CHCHD6: variants seen among roughly 807,000 people sequenced by gnomAD.
The protein encoded by CHCHD6 is coiled-coil-helix-coiled-coil-helix domain containing 6.
In CHCHD6, 28 loss-of-function variants were observed where a neutral mutation model predicts 32.3. That is an observed-to-expected ratio of 0.87 (90% CI 0.64 to 1.19). The LOEUF (loss-of-function observed/expected upper bound fraction) is 1.19, where lower values mean the gene tolerates loss of function less well. Among genes scored for constraint, CHCHD6 ranks in the 50% most tolerant of loss-of-function variants. The probability of loss-of-function intolerance (pLI) is 0.00; values close to 1 mark genes in which losing one functional copy is unlikely to be tolerated. For missense variants in CHCHD6, 333 were observed against 307.0 expected, an observed-to-expected ratio of 1.08 and a Z score of -0.63; for synonymous variants, 122 against 117.5, an observed-to-expected ratio of 1.04 and a Z score of -0.25.
intron 1 of CHCHD6, among the ~76,000 whole-genome samples, chr3:126,707,589 G>A (rs1934552573): frequency 6.6e-6 from 1 of 152,142 alleles, no homozygotes; most frequent in Non-Finnish European, 1.5e-5. Flanking sequence ...GGTTGCTTGT[G>A]AGCATCCAGA....
chr3:126,905,508 C>T (rs996389025), intron 5 of CHCHD6, among the ~76,000 whole-genome samples: 1 of 150,610 alleles, frequency 6.6e-6, no homozygotes, highest in Admixed American at 6.6e-5. Context: ...AGATTGTTTA[C>T]TAGAGAGGGC....
intron 4 of CHCHD6, among the ~76,000 whole-genome samples, chr3:126,786,194 A>G (rs547462601): frequency 6.6e-6 from 1 of 152,270 alleles, no homozygotes; most frequent in Non-Finnish European, 1.5e-5. Flanking sequence ...TCCATGGTGT[A>G]TATGTGCCAC....
At chr3:126,948,399 G>A (rs186299711) in intron 6 of CHCHD6, among the ~76,000 whole-genome samples, 20 of 152,242 alleles carry the variant, frequency 1.3e-4, no homozygotes, top group Admixed American at 9.2e-4. Context: ...CACACACATC[G>A]CTCTACTGTC....
chr3:126,888,145 C>T (rs115852329), intron 5 of CHCHD6, among the ~76,000 whole-genome samples: 7 of 152,220 alleles, frequency 4.6e-5, no homozygotes, highest in African/African-American at 1.4e-4. Flanking sequence ...CAAGGGAAGG[C>T]GACCTTGAGG....
intron 4 of CHCHD6, among the ~76,000 whole-genome samples, chr3:126,748,595 CAAAAAAA>C (rs11378109): frequency 1.2e-5 from 1 of 85,358 alleles, no homozygotes; most frequent in Non-Finnish European, 2.4e-5. Flanking sequence ...ACTACATCTC[CAAAAAAA>C]AAAAAAAAAA....
intron 1 of CHCHD6, among the ~76,000 whole-genome samples, chr3:126,713,337 G>C (rs2107650655): frequency 6.6e-6 from 1 of 152,296 alleles, no homozygotes; most frequent in South Asian, 2.1e-4. Flanking sequence ...CCCGGGGACT[G>C]TTCAGAGTTG....
intron 4 of CHCHD6, among the ~76,000 whole-genome samples, chr3:126,849,553 A>G (rs7611157): frequency 1 from 151,913 of 152,374 alleles, 75,736 homozygotes; most frequent in Middle Eastern, 1. Flanking sequence ...GTCATCTGCT[A>G]AGTACATGTT....
chr3:126,883,791 C>G (rs954545781), intron 5 of CHCHD6, among the ~76,000 whole-genome samples: 11 of 152,216 alleles, frequency 7.2e-5, no homozygotes, highest in African/African-American at 2.7e-4. Context: ...GTATCTGTCT[C>G]TGCATACTCT....
chr3:126,816,104 C>T (rs560798057), intron 4 of CHCHD6, among the ~76,000 whole-genome samples: 3 of 152,192 alleles, frequency 2.0e-5, no homozygotes, highest in Admixed American at 1.3e-4. Flanking sequence ...TCCCCCTCCC[C>T]CTCTGCATCT....
intron 4 of CHCHD6, among the ~76,000 whole-genome samples, chr3:126,829,930 C>G (rs528241251): frequency 6.6e-6 from 1 of 152,036 alleles, no homozygotes; most frequent in South Asian, 2.1e-4. Flanking sequence ...AAACCCTGCC[C>G]CTACCAAAAA....
intron 6 of CHCHD6, among the ~76,000 whole-genome samples, chr3:126,955,549 G>A (rs577113748): frequency 6.6e-5 from 10 of 152,326 alleles, no homozygotes; most frequent in East Asian, 1.9e-4. Flanking sequence ...AGGGGAAGGC[G>A]TGCTCTCCCT....
In CHCHD6 at chr3:126,906,980, T is replaced by A. The variant is rs545041740; in HGVS notation, c.496-7700T>A. The stretch of plus-strand genomic sequence containing the variant: ...TTTGAGGGTATAGGGACCATGGGTG[T>A]GGGCAGAGGCATGCCTGGCCCTAGT... On this transcript the variant is annotated intron_variant, in intron 5 of 7. Transcript: ENST00000290913. 2.6e-5 allele frequency among the ~76,000 whole-genome samples: 4 copies of A among 152,246 alleles called. No homozygotes were observed. In the South Asian group the frequency reaches 8.3e-4, roughly 32 times the overall value.
intron 4 of CHCHD6, among the ~76,000 whole-genome samples, chr3:126,737,798 G>T (rs1936114405): frequency 6.6e-6 from 1 of 152,086 alleles, no homozygotes; most frequent in South Asian, 2.1e-4. Context: ...GAGGCCTTTG[G>T]CTGGATTATA....
chr3:126,907,558 C>T (rs1335794141), intron 5 of CHCHD6, among the ~76,000 whole-genome samples: 15 of 152,238 alleles, frequency 9.9e-5, no homozygotes, highest in Admixed American at 7.8e-4. Flanking sequence ...TGTTAATTTT[C>T]TTCACTTTGC....
At chr3:126,790,798 T>C (rs1231857350) in intron 4 of CHCHD6, among the ~76,000 whole-genome samples, 1 of 152,120 alleles carries the variant, frequency 6.6e-6, no homozygotes, top group African/African-American at 2.4e-5. Context: ...GAAGTTTGAT[T>C]GTCTGAAGCC....
chr3:126,779,889 T>A (rs532276898), intron 4 of CHCHD6, among the ~76,000 whole-genome samples: 1 of 152,358 alleles, frequency 6.6e-6, no homozygotes, highest in South Asian at 2.1e-4. Flanking sequence ...GTCCTATTTA[T>A]CTTTACTTCT....
At chr3:126,937,146 C>T (rs1327823434) in intron 6 of CHCHD6, among the ~76,000 whole-genome samples, 1 of 152,256 alleles carries the variant, frequency 6.6e-6, no homozygotes, top group Non-Finnish European at 1.5e-5. Flanking sequence ...AATTAAGTGC[C>T]TTTGCCTAGG....
At chr3:126,750,481 C>T (rs16837729) in intron 4 of CHCHD6, among the ~76,000 whole-genome samples, 7,568 of 152,330 alleles carry the variant, frequency 0.05, 307 homozygotes, top group South Asian at 0.2. Context: ...CAGACAGAAT[C>T]GGAGAGAAGT....
At chr3:126,788,934 T>C (rs2107684726) in intron 4 of CHCHD6, among the ~76,000 whole-genome samples, 1 of 152,332 alleles carries the variant, frequency 6.6e-6, no homozygotes, top group South Asian at 2.1e-4. Context: ...TTTTAGATCT[T>C]TCCTGCTTTC....
Sources: gnomAD v4.1 joint callset for allele counts (sites outside exome capture counted in the v4.1 genomes callset) on GRCh38, gnomAD v4.1.1 for gene constraint, MANE v1.5 for transcripts, NCBI Gene and HGNC (gene_info 2026-07-23, HGNC 2026-07-21) for gene names.